Variants in ZNF654 observed in about 807,000 individuals in gnomAD.
The protein encoded by ZNF654 is melanoma-associated antigen.
Under a neutral mutation model 95.3 loss-of-function variants are expected in ZNF654, and 19 were observed. That is an observed-to-expected ratio of 0.20 (90% confidence interval 0.14 to 0.29). ZNF654 has a LOEUF of 0.29. Among genes scored for constraint, ZNF654 ranks in the 10% least tolerant of loss-of-function variants. The pLI, the probability that ZNF654 is intolerant of heterozygous loss-of-function variation, is 1.00. For synonymous variants in ZNF654, 413 were observed against 457.9 expected, an observed-to-expected ratio of 0.90 and a Z score of 1.25; for missense variants, 1,046 against 1,341.0, an observed-to-expected ratio of 0.78 and a Z score of 3.44.
intron 2 of ZNF654, among the ~76,000 whole-genome samples, chr3:88,106,771 T>C (rs1165575660): frequency 6.6e-6 from 1 of 152,222 alleles, no homozygotes; most frequent in African/African-American, 2.4e-5. Context: ...TTTCTTATCA[T>C]AGTTAAACAT....
At chr3:88,066,606 A>C (rs1707216382) in intron 1 of ZNF654, among the ~76,000 whole-genome samples, 1 of 152,112 alleles carries the variant, frequency 6.6e-6, no homozygotes, top group African/African-American at 2.4e-5. Context: ...CCTCAATTTT[A>C]ATTTTGTAGA....
intron 2 of ZNF654, among the ~76,000 whole-genome samples, chr3:88,088,834 A>G (rs1410425006): frequency 2.0e-5 from 3 of 151,932 alleles, no homozygotes; most frequent in Non-Finnish European, 4.4e-5. Context: ...GTACAGTGGC[A>G]TGATCTCGGC....
chr3:88,139,573 G>A lies in ZNF654; in HGVS notation c.1904G>A (p.Ser635Asn). The part of the protein sequence containing the change: ...SISFENGNSD[S>N]KDLEVETLTA... The stretch of plus-strand genomic sequence containing the variant: ...TCATTTGAAAATGGGAATTCTGATA[G>A]TAAGGATTTGGAAGTGGAGACACTT... The change falls in exon 8 of 9, where the codon AGT becomes AAT. Residue 635 changes from serine to asparagine, a missense_variant. Transcript: ENST00000636215. 6.2e-7 allele frequency: 1 copy of A among 1,613,654 alleles called. No homozygotes were observed. Among genetic ancestry groups the A allele is most frequent in the Non-Finnish European group, 8.5e-7 (1 of 1,179,756 alleles).
In ZNF654 at chr3:88,092,336, T is replaced by C. The variant is rs574676800; in HGVS notation, c.332+5934T>C. ...ATATAAGATAGATAAATTCTTGTTCTCCAAGATGTTACAGAGCTAAGAGAT... is the reference window on the plus strand; with the variant it reads ...ATATAAGATAGATAAATTCTTGTTCCCCAAGATGTTACAGAGCTAAGAGAT... On this transcript the variant is annotated intron_variant, in intron 2 of 8. Coordinates refer to ENST00000636215, the MANE Select transcript of ZNF654 (RefSeq NM_001350134.2). Among the ~76,000 whole-genome samples, 3 of 152,328 alleles carry C rather than the reference T, an allele frequency of 2.0e-5. No homozygotes were observed. In the East Asian group the frequency reaches 5.8e-4, roughly 29 times the overall value.
intron 1 of ZNF654, among the ~76,000 whole-genome samples, chr3:88,083,925 A>G (rs999674262): frequency 3.0e-5 from 4 of 134,626 alleles, no homozygotes; most frequent in Admixed American, 8.1e-5. Flanking sequence ...TAATAGGACA[A>G]TGTAATGTAC....
At chr3:88,128,675 C>T (rs1338998112) in intron 4 of ZNF654, 134 bp from the exon 5 acceptor site, 2 of 596,640 alleles carry the variant, frequency 3.4e-6, no homozygotes. Context: ...CACAAATAAA[C>T]TCCTACTAAG....
intron 1 of ZNF654, among the ~76,000 whole-genome samples, chr3:88,079,554 A>G (rs190987146): frequency 5.9e-5 from 9 of 152,136 alleles, no homozygotes; most frequent in Admixed American, 5.9e-4. Context: ...AGTTAAGTAA[A>G]TTGTCATTTG....
chr3:88,071,959 A>AT (rs1485134745), intron 1 of ZNF654, among the ~76,000 whole-genome samples: 1 of 152,188 alleles, frequency 6.6e-6, no homozygotes, highest in East Asian at 1.9e-4. Flanking sequence ...AAAATGCTGT[A>AT]TTTTTCTTGT....
At chr3:88,130,314 A>C (rs866038025) in intron 6 of ZNF654, among the ~76,000 whole-genome samples, 7 of 152,328 alleles carry the variant, frequency 4.6e-5, no homozygotes, top group Middle Eastern at 3.4e-3. Flanking sequence ...TCTTAACAGA[A>C]AACTAGGTTT....
At chr3:88,116,589 TTA>T (rs1553698280) in intron 3 of ZNF654, among the ~76,000 whole-genome samples, 1 of 133,020 alleles carries the variant, frequency 7.5e-6, no homozygotes, top group African/African-American at 3.0e-5. Flanking sequence ...TGCACATATA[TTA>T]TATATATGTG....
chr3:88,138,839 C>G lies in ZNF654; in HGVS notation c.1170C>G (p.Ile390Met). Residue 390 changes from isoleucine to methionine, a missense_variant, in exon 8 of 9, where the codon ATC (isoleucine) becomes ATG (methionine). Around this residue, in one of 9 missense-constraint regions of ZNF654, gnomAD observed 78 missense variants for 154.2 expected, o/e 0.51. Transcript: ENST00000636215. The part of the protein sequence containing the change: ...IAHFLPNDLE[I>M]LRICALSIFF... ...ATTTTTTGCCAAATGATTTGGAGATCCTCAGGATTTGTGCACTCTCAATAT... is the reference window on the plus strand; with the variant it reads ...ATTTTTTGCCAAATGATTTGGAGATGCTCAGGATTTGTGCACTCTCAATAT... The G allele has an allele frequency of 1.6e-6, 2 of 1,231,906 alleles. No homozygotes were observed. Among genetic ancestry groups the G allele is most frequent in the Non-Finnish European group, 2.0e-6 (2 of 987,882 alleles). 76.3% of individuals were successfully genotyped at this position (1,231,906 alleles called of 1,614,324 possible). A position where few individuals can be genotyped will look rare whatever the true frequency, so the allele number is the denominator to read the frequency against.
chr3:88,096,371 G>C (rs947654397), intron 2 of ZNF654, among the ~76,000 whole-genome samples: 1 of 152,088 alleles, frequency 6.6e-6, no homozygotes, highest in African/African-American at 2.4e-5. Context: ...ATTTGTGTGA[G>C]AGGGTACCTC....
chr3:88,119,041 A>AAT (rs1705591330), intron 3 of ZNF654, among the ~76,000 whole-genome samples: 1 of 149,424 alleles, frequency 6.7e-6, no homozygotes, highest in Non-Finnish European at 1.5e-5. Context: ...CTGGGTATAT[A>AAT]CCCAAAGGAC....
At chr3:88,062,647 C>A (rs1159544026) in intron 1 of ZNF654, among the ~76,000 whole-genome samples, 4 of 152,096 alleles carry the variant, frequency 2.6e-5, no homozygotes, top group African/African-American at 9.7e-5. Context: ...AAGATACTTT[C>A]TTCTTAGTTC....
chr3:88,096,202 G>A (rs1432229843), intron 2 of ZNF654, among the ~76,000 whole-genome samples: 1 of 151,942 alleles, frequency 6.6e-6, no homozygotes, highest in Non-Finnish European at 1.5e-5. Context: ...CACTTTTAAA[G>A]GTGTTAGATG....
chr3:88,120,640 C>A (rs1205423534), intron 3 of ZNF654, among the ~76,000 whole-genome samples: 1 of 152,178 alleles, frequency 6.6e-6, no homozygotes, highest in Non-Finnish European at 1.5e-5. Context: ...GGTCTCCAGA[C>A]TTCTGCTTTA....
At chr3:88,128,671 T>TA (rs1706266982) in intron 4 of ZNF654, 138 bp from the exon 5 acceptor site, 1 of 585,506 alleles carries the variant, frequency 1.7e-6, no homozygotes, top group African/African-American at 1.9e-5. Context: ...TTTTCACAAA[T>TA]AAACTCCTAC....
chr3:88,104,429 C>T (rs1364772333), intron 2 of ZNF654, among the ~76,000 whole-genome samples: 1 of 152,144 alleles, frequency 6.6e-6, no homozygotes, highest in Non-Finnish European at 1.5e-5. Flanking sequence ...GCCATAAACA[C>T]TACATAAATT....
chr3:88,113,490 T>G (rs1354115617), intron 3 of ZNF654, among the ~76,000 whole-genome samples: 6 of 152,204 alleles, frequency 3.9e-5, no homozygotes, highest in African/African-American at 4.8e-5. Flanking sequence ...GATTCTTCTT[T>G]GCCAGACTTG....
Sources: gnomAD v4.1 joint callset for allele counts (sites outside exome capture counted in the v4.1 genomes callset) on GRCh38, gnomAD v4.1.1 for gene constraint, gnomAD v4.1.1 regional missense constraint, MANE v1.5 for transcripts, NCBI Gene and HGNC (gene_info 2026-07-23, HGNC 2026-07-21) for gene names.